Variants in PHF20 observed in about 807,000 individuals in gnomAD.
PHF20 encodes the protein glioma-expressed antigen 2.
A neutral mutation model predicts 113.5 loss-of-function variants in PHF20; 23 were observed. The observed-to-expected ratio is 0.20, with a 90% CI of 0.15 to 0.29. PHF20 has a LOEUF of 0.29. PHF20 is among the 10% of genes least tolerant of loss of function. PHF20 has a pLI of 1.00. For synonymous variants in PHF20, 434 were observed against 457.3 expected (o/e 0.95, Z 0.65); for missense variants, 943 against 1,219.6 (o/e 0.77, Z 3.38).
At chr20:35,838,490 A>C (rs1280976510) in intron 2 of PHF20, 1 of 152,158 alleles carries the variant, frequency 6.6e-6, no homozygotes, top group Non-Finnish European at 1.5e-5. Context: ...ATGGTAGTGC[A>C]TTCAAATACT....
intron 2 of PHF20, among the ~76,000 whole-genome samples, chr20:35,842,254 G>A (rs1400163604): frequency 6.6e-6 from 1 of 152,128 alleles, no homozygotes; most frequent in African/African-American, 2.4e-5. Context: ...CTGAGGCAGG[G>A]AGAATTGCTT....
chr20:35,938,912 A>AT lies in PHF20; in HGVS notation c.2518dup (p.Cys840LeufsTer34). The AT allele has an allele frequency of 6.2e-7, 1 of 1,614,164 alleles. No homozygotes were observed. ...GAGGAATCCTATATCACCAGTGAGC[A>AT]TTGCTACCAGAAGCCCCGCGCCTAT... On this transcript the variant is annotated frameshift_variant, in exon 16 of 18. Coordinates refer to ENST00000374012, the MANE Select transcript of PHF20 (RefSeq NM_016436.5). LOFTEE classifies it high-confidence loss of function.
chr20:35,840,861 T>C (rs1355463946), intron 2 of PHF20, among the ~76,000 whole-genome samples: 4 of 152,160 alleles, frequency 2.6e-5, no homozygotes, highest in Non-Finnish European at 4.4e-5. Flanking sequence ...CAGGGAAATG[T>C]AGTTGTTGAT....
intron 10 of PHF20, among the ~76,000 whole-genome samples, chr20:35,904,767 C>CCTTCCTTCCT: frequency 8.0e-6 from 1 of 125,688 alleles, no homozygotes; most frequent in East Asian, 2.2e-4. Context: ...GATTTCTTTT[C>CCTTCCTTCCT]TCCTTCCTTC....
chr20:35,923,596 TC>T (rs1259007273), intron 13 of PHF20, among the ~76,000 whole-genome samples: 1 of 152,204 alleles, frequency 6.6e-6, no homozygotes, highest in Non-Finnish European at 1.5e-5. Flanking sequence ...CCCCACCTTA[TC>T]CCCAACTACC....
In PHF20 at chr20:35,944,499, T is replaced by C. The variant is rs949581211; in HGVS notation, c.2897-2986T>C. Reference sequence around the variant, plus strand: ...AACTGTAGGATCATCTTGCAAAAGATTGACTGACTCTCTTTGCTGTTGGAG... The same window carrying C: ...AACTGTAGGATCATCTTGCAAAAGACTGACTGACTCTCTTTGCTGTTGGAG... On this transcript the variant is annotated intron_variant, in intron 17 of 17. Transcript: ENST00000374012. 2.6e-5 allele frequency among the ~76,000 whole-genome samples: 4 copies of C among 152,258 alleles called. No individual in the cohort carries two copies. The East Asian group carries it at 5.8e-4, about 22-fold the overall frequency.
At position 35,798,697 on chromosome 20, in the gene PHF20, G is replaced by A. The variant is rs75139598; in HGVS notation, c.-32-2794G>A. Among the ~76,000 whole-genome samples, 1,459 of 151,612 alleles carry A rather than the reference G, an allele frequency of 9.6e-3. 15 individuals carry two copies. The highest frequency in any genetic ancestry group is 0.039 in the East Asian group (202 of 5,132). On this transcript the variant is annotated intron_variant, in intron 1 of 17. Transcript: ENST00000374012. ...TCAAACTCCTGACCTCAGGTGATCC[G>A]GCAGCCTCGGCCTCCCAAAGTTCTG...
intron 1 of PHF20, among the ~76,000 whole-genome samples, chr20:35,796,920 A>G (rs1332258038): frequency 6.6e-6 from 1 of 152,168 alleles, no homozygotes; most frequent in African/African-American, 2.4e-5. Flanking sequence ...GTAACATTAC[A>G]TTAGTCCTAA....
rs779956329 is a variant in PHF20, at chr20:35,900,847, C to A, written c.1561+1199C>A. On this transcript the variant is annotated intron_variant, in intron 10 of 17. Coordinates refer to ENST00000374012, the MANE Select transcript of PHF20 (RefSeq NM_016436.5). ...GTGAGACTCCATCTCAAAACAACAACCAAATAAGCTAGCATAAACTCATGC... is the reference window on the plus strand; with the variant it reads ...GTGAGACTCCATCTCAAAACAACAAACAAATAAGCTAGCATAAACTCATGC... Among the ~76,000 whole-genome samples the A allele has an allele frequency of 6.5e-4, 98 of 151,830 alleles. 1 individual carries two copies. Among genetic ancestry groups the A allele is most frequent in the Admixed American group, 4.1e-3 (62 of 15,244 alleles).
chr20:35,896,429 G>A (rs1341296019), intron 9 of PHF20, among the ~76,000 whole-genome samples: 1 of 152,046 alleles, frequency 6.6e-6, no homozygotes, highest in Non-Finnish European at 1.5e-5. Context: ...GACCAAATCT[G>A]TAGCATAGGA....
chr20:35,818,637 G>T (rs2042116118), intron 2 of PHF20, among the ~76,000 whole-genome samples: 1 of 151,928 alleles, frequency 6.6e-6, no homozygotes, highest in South Asian at 2.1e-4. Flanking sequence ...TTGGGCTCAA[G>T]TGATCCTCCC....
chr20:35,834,258 T>G (rs2042401951), intron 2 of PHF20, among the ~76,000 whole-genome samples: 1 of 147,642 alleles, frequency 6.8e-6, no homozygotes, highest in Admixed American at 6.7e-5. Context: ...TTTTTTTTTT[T>G]TTTTTTTTTT....
intron 4 of PHF20, 47 bp downstream of exon 4, chr20:35,847,481 G>T (rs375725869): frequency 2.6e-6 from 3 of 1,138,698 alleles, no homozygotes; most frequent in Non-Finnish European, 2.6e-6. Flanking sequence ...CTTAGGTGGT[G>T]GGGGGGGATG....
intron 9 of PHF20, chr20:35,878,434 G>A (rs2054569527): frequency 1.9e-6 from 1 of 513,756 alleles, no homozygotes; most frequent in African/African-American, 2.0e-5. Flanking sequence ...TTGCTCTAGG[G>A]AGATTGTTTA....
At chr20:35,811,036 G>A (rs561443661) in intron 2 of PHF20, among the ~76,000 whole-genome samples, 3 of 151,836 alleles carry the variant, frequency 2.0e-5, no homozygotes. Context: ...TGGGAATTAG[G>A]TTCCACTTTT....
At chr20:35,772,212 G>C (rs2041070568) in intron 1 of PHF20, 133 bp downstream of exon 1, 1 of 151,426 alleles carries the variant, frequency 6.6e-6, no homozygotes, top group African/African-American at 2.4e-5. Context: ...CCCGCTCCCC[G>C]CCTGGCCCCG....
At chr20:35,923,116 A>G (rs1317669102) in intron 13 of PHF20, among the ~76,000 whole-genome samples, 1 of 152,230 alleles carries the variant, frequency 6.6e-6, no homozygotes, top group African/African-American at 2.4e-5. Flanking sequence ...CCCTGTCTCA[A>G]AAAACAAACA....
intron 10 of PHF20, among the ~76,000 whole-genome samples, chr20:35,901,929 T>G (rs1391187467): frequency 1.3e-5 from 2 of 151,928 alleles, no homozygotes. Flanking sequence ...TTCTTGTGAT[T>G]AGTTTGTGAG....
chr20:35,780,600 G>T (rs2146828241), intron 1 of PHF20, among the ~76,000 whole-genome samples: 1 of 146,842 alleles, frequency 6.8e-6, no homozygotes, highest in Middle Eastern at 3.6e-3. Flanking sequence ...AGGCTGGAAG[G>T]CAGTGGCATG....
Sources: gnomAD v4.1 joint callset for allele counts (sites outside exome capture counted in the v4.1 genomes callset) on GRCh38, gnomAD v4.1.1 for gene constraint, MANE v1.5 for transcripts, NCBI Gene and HGNC (gene_info 2026-07-23, HGNC 2026-07-21) for gene names.